The following SOX5 variants were observed in gnomAD, a reference collection of about 807,000 sequenced individuals.
The protein encoded by SOX5 is transcription factor SOX-5.
A neutral mutation model predicts 92.0 loss-of-function variants in SOX5; 9 were observed. The observed-to-expected ratio is 0.10, with a 90% CI of 0.06 to 0.17. The LOEUF (loss-of-function observed/expected upper bound fraction) is 0.17, where lower values mean the gene tolerates loss of function less well. SOX5 is among the 10% of genes least tolerant of loss of function. The pLI is 1.00. For missense variants in SOX5, 642 were observed against 944.5 expected (o/e 0.68, Z 4.20); for synonymous variants, 344 against 336.3 (o/e 1.02, Z -0.25).
intron 6 of SOX5, among the ~76,000 whole-genome samples, chr12:23,708,127 G>T (rs2091639088): frequency 6.6e-6 from 1 of 151,824 alleles, no homozygotes; most frequent in South Asian, 2.1e-4. Context: ...GCATAGAATG[G>T]TAAATACTAT....
chr12:24,484,988 A>G (rs1372350351), intron 1 of SOX5, among the ~76,000 whole-genome samples: 1 of 152,210 alleles, frequency 6.6e-6, no homozygotes, highest in Non-Finnish European at 1.5e-5. Flanking sequence ...GGCTAGAAAG[A>G]TAAAAAGTTG....
In SOX5 at chr12:23,534,195, G is replaced by T. The variant is rs780271083; in HGVS notation, c.*24C>A. The T allele has an allele frequency of 6.2e-7, 1 of 1,604,610 alleles. No individual in the cohort carries two copies. Among genetic ancestry groups the T allele is most frequent in the African/African-American group, 1.3e-5 (1 of 74,840 alleles). ...AGTTAGGGCTTCTTTAAGTCCTAAG[G>T]TCACAACAATCTTTTGACCCTTATC... On this transcript the variant is annotated 3_prime_UTR_variant, in exon 15 of 15. Coordinates refer to ENST00000451604, the MANE Select transcript of SOX5 (RefSeq NM_006940.6).
At chr12:23,671,971 A>G (rs1443945366) in intron 6 of SOX5, among the ~76,000 whole-genome samples, 1 of 152,102 alleles carries the variant, frequency 6.6e-6, no homozygotes, top group Non-Finnish European at 1.5e-5. Flanking sequence ...CAAGGATGAA[A>G]GTGACTTTGC....
At chr12:24,244,447 G>C (rs1938194840) in intron 3 of SOX5, among the ~76,000 whole-genome samples, 2 of 152,144 alleles carry the variant, frequency 1.3e-5, no homozygotes, top group Non-Finnish European at 2.9e-5. Context: ...CTATGCACCA[G>C]CTGCAGTCCC....
At chr12:24,012,934 A>G (rs544805100) in intron 4 of SOX5, among the ~76,000 whole-genome samples, 66 of 152,290 alleles carry the variant, frequency 4.3e-4, no homozygotes, top group Non-Finnish European at 7.6e-4. Context: ...CTATTGATAA[A>G]TCATATTGAT....
intron 4 of SOX5, among the ~76,000 whole-genome samples, chr12:24,029,889 A>G (rs1322888958): frequency 6.6e-6 from 1 of 152,014 alleles, no homozygotes; most frequent in Non-Finnish European, 1.5e-5. Flanking sequence ...TGCAAGAGTA[A>G]AGAAATGTTA....
intron 4 of SOX5, among the ~76,000 whole-genome samples, chr12:24,147,986 G>GAACA (rs1951247225): frequency 6.6e-6 from 1 of 152,154 alleles, no homozygotes; most frequent in Admixed American, 6.5e-5. Context: ...TCATTCCATA[G>GAACA]ATTATGAACA....
At chr12:24,532,071 A>T (rs1378567285) in intron 1 of SOX5, among the ~76,000 whole-genome samples, 1 of 152,240 alleles carries the variant, frequency 6.6e-6, no homozygotes, top group Non-Finnish European at 1.5e-5. Flanking sequence ...AGTAGAAAAA[A>T]TACAGCTTGT....
intron 2 of SOX5, among the ~76,000 whole-genome samples, chr12:24,348,140 T>G (rs1220114647): frequency 2.0e-5 from 3 of 151,524 alleles, no homozygotes; most frequent in Admixed American, 1.3e-4. Flanking sequence ...ATGAGAGATA[T>G]TTGAATCATG....
Position 24,261,525 on chromosome 12 carries a change from G to T in SOX5, c.-77+15691C>A, listed in dbSNP as rs1942086134. On this transcript the variant is annotated intron_variant, in intron 3 of 4. Coordinates refer to the SOX5 transcript ENST00000446891. ...CAAAGCCACACCACACCACACAGGA[G>T]AAAAATCTTTGAGGCCATAAACACA... Among the ~76,000 whole-genome samples the T allele has an allele frequency of 3.3e-5, 5 of 152,048 alleles. 1 individual carries two copies. In the South Asian group the frequency reaches 1.0e-3, roughly 31 times the overall value.
At chr12:24,548,953 C>T (rs961036506) in intron 1 of SOX5, among the ~76,000 whole-genome samples, 1 of 152,148 alleles carries the variant, frequency 6.6e-6, no homozygotes, top group Non-Finnish European at 1.5e-5. Flanking sequence ...GATCTGATCC[C>T]AATCTCTCTC....
intron 1 of SOX5, among the ~76,000 whole-genome samples, chr12:24,556,542 C>T (rs1041686413): frequency 2.6e-5 from 4 of 152,202 alleles, no homozygotes; most frequent in African/African-American, 9.7e-5. Flanking sequence ...TGTTTATCCA[C>T]AGGTACTATA....
intron 10 of SOX5, among the ~76,000 whole-genome samples, chr12:23,574,875 C>T (rs1948881204): frequency 6.6e-6 from 1 of 152,106 alleles, no homozygotes; most frequent in African/African-American, 2.4e-5. Context: ...GAATCCAACA[C>T]TCTCCTCTCT....
chr12:24,395,688 G>T (rs1959741329), intron 1 of SOX5, among the ~76,000 whole-genome samples: 1 of 152,198 alleles, frequency 6.6e-6, no homozygotes, highest in Non-Finnish European at 1.5e-5. Context: ...GTTGAGATCT[G>T]CCATAATATC....
At chr12:24,210,236 T>A (rs1349372549) in intron 4 of SOX5, among the ~76,000 whole-genome samples, 1 of 152,146 alleles carries the variant, frequency 6.6e-6, no homozygotes, top group Non-Finnish European at 1.5e-5. Context: ...TTACCTAATA[T>A]GTGTACAATG....
At chr12:23,737,032 G>C (rs947735850) in intron 5 of SOX5, among the ~76,000 whole-genome samples, 2 of 151,648 alleles carry the variant, frequency 1.3e-5, no homozygotes, top group Non-Finnish European at 2.9e-5. Flanking sequence ...GTAAAAGAGA[G>C]AGTAGAAGGA....
At chr12:24,082,865 C>G (rs1943535642) in intron 4 of SOX5, among the ~76,000 whole-genome samples, 5 of 151,778 alleles carry the variant, frequency 3.3e-5, no homozygotes, top group Admixed American at 3.3e-4. Flanking sequence ...TTCTAAACCA[C>G]TAATTATTAG....
At chr12:24,127,884 A>G (rs1427651072) in intron 4 of SOX5, among the ~76,000 whole-genome samples, 3 of 152,200 alleles carry the variant, frequency 2.0e-5, no homozygotes, top group African/African-American at 4.8e-5. Context: ...TACAGTTTTC[A>G]GATCAGCCCA....
chr12:24,241,021 A>G (rs1965464034), intron 3 of SOX5, among the ~76,000 whole-genome samples: 1 of 152,210 alleles, frequency 6.6e-6, no homozygotes, highest in Non-Finnish European at 1.5e-5. Flanking sequence ...GCCATGAAAT[A>G]GAAAGATTGG....
Sources: allele counts gnomAD v4.1 joint callset (sites outside exome capture counted in the v4.1 genomes callset), GRCh38; gene constraint gnomAD v4.1.1; transcripts MANE v1.5; gene names NCBI Gene and HGNC (gene_info 2026-07-23, HGNC 2026-07-21).